IFT74: variants seen among roughly 807,000 people sequenced by gnomAD.
IFT74 encodes the protein intraflagellar transport protein 74 homolog.
Under a neutral mutation model 96.7 loss-of-function variants are expected in IFT74, and 92 were observed. That is an observed-to-expected ratio of 0.95 (90% CI 0.80 to 1.13). The LOEUF (loss-of-function observed/expected upper bound fraction) is 1.13, where lower values mean the gene tolerates loss of function less well. Ranked by LOEUF, IFT74 falls within the 50% of genes most tolerant of loss-of-function variation. IFT74 has a pLI of 0.00. For synonymous variants in IFT74, 223 were observed against 213.2 expected, an observed-to-expected ratio of 1.05 and a Z score of -0.40; for missense variants, 811 against 698.2, an observed-to-expected ratio of 1.16 and a Z score of -1.82.
intron 8 of IFT74, chr9:26,998,208 TATA>T (rs1219190165): frequency 1.3e-6 from 2 of 1,508,360 alleles, no homozygotes; most frequent in Admixed American, 4.5e-5. Context: ...GGAATCAAGG[TATA>T]ATTTTTTTCA....
intron 16 of IFT74, among the ~76,000 whole-genome samples, chr9:27,050,756 G>A (rs977576245): frequency 6.8e-6 from 1 of 147,962 alleles, no homozygotes; most frequent in Non-Finnish European, 1.5e-5. Context: ...GAGGGAGGAG[G>A]GATAGCATTA....
chr9:27,016,491 T>C (rs1829349805), intron 10 of IFT74, among the ~76,000 whole-genome samples: 1 of 152,184 alleles, frequency 6.6e-6, no homozygotes, highest in Non-Finnish European at 1.5e-5. Context: ...ACCCACAAAA[T>C]TGTGGGAAAA....
rs767166252 is a variant in IFT74, at chr9:26,990,108, C to G, written c.526-26C>G. Reference sequence around the variant, plus strand: ...AATTTGGTTTAATATTTATTTCTTACTAACTTATGTGTTAACTTTATTCAG... The same window carrying G: ...AATTTGGTTTAATATTTATTTCTTAGTAACTTATGTGTTAACTTTATTCAG... On this transcript the variant is annotated intron_variant, in intron 7 of 19. Coordinates refer to ENST00000380062, the MANE Select transcript of IFT74 (RefSeq NM_025103.4). The G allele has an allele frequency of 2.1e-6, 3 of 1,426,530 alleles. No homozygotes were observed. In the East Asian group the frequency reaches 7.8e-5, roughly 37 times the overall value. 88.4% of individuals were successfully genotyped at this position (1,426,530 alleles called of 1,614,324 possible). A position where few individuals can be genotyped will look rare whatever the true frequency, so the allele number is the denominator to read the frequency against.
Position 27,011,887 on chromosome 9 carries a change from C to A in IFT74, c.727-19C>A. The A allele has an allele frequency of 1.5e-6, 2 of 1,355,918 alleles. No individual in the cohort carries two copies. Among genetic ancestry groups the A allele is most frequent in the South Asian group, 1.5e-5 (1 of 66,674 alleles). 84.0% of individuals were successfully genotyped at this position (1,355,918 alleles called of 1,614,324 possible). The stretch of plus-strand genomic sequence containing the variant: ...TTAATGTAATTTGGATTTATGTTTG[C>A]TTTTTTTTTTCCACTTAGGAATTAG... On this transcript the variant is annotated intron_variant, in intron 9 of 19. Coordinates refer to ENST00000380062, the MANE Select transcript of IFT74 (RefSeq NM_025103.4).
chr9:27,049,374 G>C (rs1350109642), intron 16 of IFT74, among the ~76,000 whole-genome samples: 8 of 152,200 alleles, frequency 5.3e-5, no homozygotes, highest in Non-Finnish European at 1.0e-4. Context: ...AGAATAAATA[G>C]TACATTCTTT....
At chr9:27,046,349 T>C (rs1302726890) in intron 14 of IFT74, among the ~76,000 whole-genome samples, 1 of 152,116 alleles carries the variant, frequency 6.6e-6, no homozygotes, top group Non-Finnish European at 1.5e-5. Flanking sequence ...ATATGCTAAA[T>C]ATAAGAAAAA....
chr9:27,043,680 C>T (rs1426998030), intron 13 of IFT74, among the ~76,000 whole-genome samples: 1 of 152,162 alleles, frequency 6.6e-6, no homozygotes, highest in East Asian at 1.9e-4. Context: ...ACCTTTTTCC[C>T]CATTTAGGTT....
At chr9:26,977,427 G>T (rs1202124114) in intron 2 of IFT74, among the ~76,000 whole-genome samples, 1 of 152,192 alleles carries the variant, frequency 6.6e-6, no homozygotes, top group Non-Finnish European at 1.5e-5. Context: ...GTGAGCCCTT[G>T]TCTCTAAAAC....
At chr9:27,051,824 A>G (rs577887175) in intron 16 of IFT74, among the ~76,000 whole-genome samples, 1 of 152,340 alleles carries the variant, frequency 6.6e-6, no homozygotes, top group South Asian at 2.1e-4. Flanking sequence ...GTAGACAGAC[A>G]GATTGCTTCC....
chr9:26,957,456 C>A (rs1316520465), intron 1 of IFT74, among the ~76,000 whole-genome samples: 1 of 152,172 alleles, frequency 6.6e-6, no homozygotes, highest in Non-Finnish European at 1.5e-5. Context: ...ATTTGAAATT[C>A]TTTTGCTTTG....
intron 2 of IFT74, among the ~76,000 whole-genome samples, chr9:26,968,589 G>T (rs1017927231): frequency 6.6e-6 from 1 of 152,082 alleles, no homozygotes; most frequent in Admixed American, 6.6e-5. Context: ...CTTGGATCTC[G>T]TTATTGTTAT....
intron 12 of IFT74, among the ~76,000 whole-genome samples, chr9:27,022,163 T>A (rs1317390757): frequency 2.0e-5 from 3 of 152,158 alleles, no homozygotes; most frequent in Non-Finnish European, 4.4e-5. Flanking sequence ...TATTTCTGGG[T>A]TCTCTATTCT....
At position 27,064,562 on chromosome 9, in the gene IFT74, C is replaced by T. The variant is rs1820552170; in HGVS notation, c.*1826C>T. 6.6e-6 allele frequency among the ~76,000 whole-genome samples: 1 copy of T among 152,032 alleles called. No homozygotes were observed. Among genetic ancestry groups the T allele is most frequent in the Non-Finnish European group, 1.5e-5 (1 of 67,950 alleles). On this transcript the variant is annotated 3_prime_UTR_variant, in exon 20 of 20. Coordinates refer to ENST00000380062, the MANE Select transcript of IFT74 (RefSeq NM_025103.4). ...CATTCATCTTTTATACAGTAACAAA[C>T]AGAGGTATGATTGAGCATAGAGTTT... is the stretch of plus-strand genomic sequence containing the variant.
chr9:27,018,425 A>T (rs1326027896), intron 11 of IFT74, among the ~76,000 whole-genome samples: 1 of 152,130 alleles, frequency 6.6e-6, no homozygotes, highest in Non-Finnish European at 1.5e-5. Flanking sequence ...CTGTGAGTAT[A>T]TCAGTTACTA....
chr9:26,951,615 T>C (rs185888669), upstream of IFT74, among the ~76,000 whole-genome samples: 295 of 152,262 alleles, frequency 1.9e-3, 2 homozygotes, highest in African/African-American at 6.9e-3. Flanking sequence ...ATGTGAAATA[T>C]GGGCTGGGCG....
chr9:26,980,114 T>C (rs1827305718), intron 3 of IFT74, among the ~76,000 whole-genome samples: 1 of 152,236 alleles, frequency 6.6e-6, no homozygotes, highest in African/African-American at 2.4e-5. Context: ...CATTGAGTAA[T>C]GTCTGCAGTG....
At chr9:27,018,596 C>T (rs980730260) in intron 11 of IFT74, 51 bp from the exon 12 acceptor site, 13 of 985,112 alleles carry the variant, frequency 1.3e-5, no homozygotes, top group Admixed American at 2.1e-5. Context: ...TTAAGATAGC[C>T]TTACAATGAG....
intron 19 of IFT74, 95 bp downstream of exon 19, chr9:27,060,746 C>A: frequency 1.3e-6 from 1 of 771,612 alleles, no homozygotes. Context: ...GCCACAAGGT[C>A]AGGAGATTGA....
intron 1 of IFT74, among the ~76,000 whole-genome samples, chr9:26,949,147 G>A (rs1825858936): frequency 6.6e-6 from 1 of 152,020 alleles, no homozygotes. Context: ...TATTTTACAT[G>A]AATCTTAACC....
Sources: allele counts gnomAD v4.1 joint callset (sites outside exome capture counted in the v4.1 genomes callset), GRCh38; gene constraint gnomAD v4.1.1; transcripts MANE v1.5; gene names NCBI Gene and HGNC (gene_info 2026-07-23, HGNC 2026-07-21).